The following STK24 variants were observed in gnomAD, a reference collection of about 807,000 sequenced individuals.
The protein encoded by STK24 is serine/threonine-protein kinase 24.
A neutral mutation model predicts 55.6 loss-of-function variants in STK24; 21 were observed. The ratio of observed to expected loss-of-function variants is 0.38; its 90% CI spans 0.27 to 0.54. The LOEUF is 0.54. Among genes scored for constraint, STK24 ranks in the 20% least tolerant of loss-of-function variants. STK24 has a pLI of 0.79. For missense variants in STK24, 383 were observed against 538.4 expected, an observed-to-expected ratio of 0.71 and a Z score of 2.86; for synonymous variants, 200 against 215.2, an observed-to-expected ratio of 0.93 and a Z score of 0.62.
At chr13:98,495,379 T>C (rs1895212443) in intron 2 of STK24, among the ~76,000 whole-genome samples, 1 of 152,222 alleles carries the variant, frequency 6.6e-6, no homozygotes, top group African/African-American at 2.4e-5. Context: ...ATGGCATAAT[T>C]ATTTTATTGA....
At chr13:98,539,995 A>C (rs1351874061) in intron 1 of STK24, among the ~76,000 whole-genome samples, 3 of 152,210 alleles carry the variant, frequency 2.0e-5, no homozygotes, top group Non-Finnish European at 2.9e-5. Flanking sequence ...AACAGACAAC[A>C]AACAGGTGGC....
At chr13:98,522,042 G>C (rs1167166375) in intron 1 of STK24, 18 of 1,411,750 alleles carry the variant, frequency 1.3e-5, no homozygotes, top group Non-Finnish European at 1.6e-5. Context: ...TCCCTTCAAA[G>C]TCATCTGGAC....
At chr13:98,543,749 G>A (rs1422632546) in intron 1 of STK24, among the ~76,000 whole-genome samples, 2 of 152,152 alleles carry the variant, frequency 1.3e-5, no homozygotes, top group Non-Finnish European at 2.9e-5. Context: ...GCTGCCAGCC[G>A]CCCCGAGGGT....
chr13:98,473,053 C>T (rs971730643), intron 5 of STK24, among the ~76,000 whole-genome samples: 3 of 151,468 alleles, frequency 2.0e-5, no homozygotes, highest in South Asian at 4.2e-4. Flanking sequence ...CAACACAGCA[C>T]GCTTGCTCCT....
chr13:98,486,576 T>C (rs1189284665), intron 2 of STK24, among the ~76,000 whole-genome samples: 4 of 152,160 alleles, frequency 2.6e-5, no homozygotes, highest in Non-Finnish European at 4.4e-5. Context: ...GCCTCCCCCA[T>C]GCACTGCAGG....
intron 1 of STK24, among the ~76,000 whole-genome samples, chr13:98,560,154 TCA>T (rs1412645567): frequency 1.3e-5 from 2 of 152,302 alleles, no homozygotes; most frequent in South Asian, 2.1e-4. Flanking sequence ...GTGCAGCTAC[TCA>T]CAGTCTCAGT....
At chr13:98,558,144 C>G (rs1317946687) in intron 1 of STK24, among the ~76,000 whole-genome samples, 1 of 152,162 alleles carries the variant, frequency 6.6e-6, no homozygotes. Context: ...TCATCTAATC[C>G]CAATGCCAGC....
intron 1 of STK24, among the ~76,000 whole-genome samples, chr13:98,562,627 G>C (rs1182070388): frequency 6.6e-6 from 1 of 152,144 alleles, no homozygotes; most frequent in Non-Finnish European, 1.5e-5. Flanking sequence ...ACTTTAAAAG[G>C]GTTCCAGGCT....
intron 2 of STK24, among the ~76,000 whole-genome samples, chr13:98,484,775 A>G (rs568525792): frequency 5.5e-4 from 83 of 151,996 alleles, no homozygotes; most frequent in Middle Eastern, 6.8e-3. Context: ...TGCAAGCAAC[A>G]ACAGAACATC....
In STK24 at chr13:98,451,176, G is replaced by A. The variant is rs1239178435; in HGVS notation, c.*1997C>T. On this transcript the variant is annotated 3_prime_UTR_variant, in exon 11 of 11. Coordinates refer to ENST00000539966, the MANE Select transcript of STK24 (RefSeq NM_001032296.4). ...TAAATCTGAAGAACTCTGTAAATCAGAAAAGCTGCTGTCCGCCCTGGCTCA... is the reference window on the plus strand; with the variant it reads ...TAAATCTGAAGAACTCTGTAAATCAAAAAAGCTGCTGTCCGCCCTGGCTCA... 1 of 152,188 alleles carries A rather than the reference G, an allele frequency of 6.6e-6. No homozygotes were observed. The highest frequency in any genetic ancestry group is 1.5e-5 in the Non-Finnish European group (1 of 68,058). 9.4% of individuals were successfully genotyped at this position (152,188 alleles called of 1,614,324 possible). A position where few individuals can be genotyped will look rare whatever the true frequency, so the allele number is the denominator to read the frequency against.
intron 1 of STK24, among the ~76,000 whole-genome samples, chr13:98,520,088 G>A (rs1189592170): frequency 6.6e-6 from 1 of 152,162 alleles, no homozygotes; most frequent in Non-Finnish European, 1.5e-5. Flanking sequence ...TTAACCACCT[G>A]ATTAGTTACA....
chr13:98,456,175 T>C (rs1459372302), intron 10 of STK24: 1 of 182,690 alleles, frequency 5.5e-6, no homozygotes, highest in East Asian at 1.7e-4. Context: ...ATCAGAACTG[T>C]GGTTTTCTCC....
chr13:98,448,282 C>T lies in STK24; in HGVS notation c.*4891G>A. The T allele has an allele frequency of 6.2e-7, 1 of 1,614,160 alleles. No individual in the cohort carries two copies. The highest frequency in any genetic ancestry group is 8.5e-7 in the Non-Finnish European group (1 of 1,179,972). ...TGCCACCAGCTCTGCCTCGCGACCC[C>T]ACGTGTTGAGTCACAAAGAGTCTCT... On this transcript the variant is annotated 3_prime_UTR_variant, in exon 11 of 11. Coordinates refer to ENST00000539966, the MANE Select transcript of STK24 (RefSeq NM_001032296.4).
chr13:98,516,244 A>G (rs1371881408), intron 2 of STK24, among the ~76,000 whole-genome samples: 2 of 152,242 alleles, frequency 1.3e-5, no homozygotes, highest in Non-Finnish European at 2.9e-5. Flanking sequence ...ATTGTCCTTC[A>G]CATGGCTTTA....
At position 98,449,443 on chromosome 13, in the gene STK24, G is replaced by C. The variant is rs1289144717; in HGVS notation, c.*3730C>G. 6.6e-6 allele frequency: 1 copy of C among 152,196 alleles called. No individual in the cohort carries two copies. Among genetic ancestry groups the C allele is most frequent in the African/African-American group, 2.4e-5 (1 of 41,428 alleles). The allele number at this position is 152,196 out of a possible 1,614,324, so 9.4% of individuals were successfully genotyped here. A position where few individuals can be genotyped will look rare whatever the true frequency, so the allele number is the denominator to read the frequency against. ...GGGAAACGTCTGCCTGTTCTCGATGGTGATGGGGTGGCTGCCATTCCCTTG... is the reference window on the plus strand; with the variant it reads ...GGGAAACGTCTGCCTGTTCTCGATGCTGATGGGGTGGCTGCCATTCCCTTG... On this transcript the variant is annotated 3_prime_UTR_variant, in exon 11 of 11. Transcript: ENST00000539966.
intron 1 of STK24, among the ~76,000 whole-genome samples, chr13:98,545,905 C>A (rs1897017982): frequency 6.6e-6 from 1 of 151,882 alleles, no homozygotes; most frequent in African/African-American, 2.4e-5. Flanking sequence ...AAAGAGAAAT[C>A]ATTCAAGAAA....
rs567368309 is a variant in STK24, at chr13:98,478,845, C to G, written c.330+3420G>C. ...TTAATCAGCTAAAACCTTCTGGTCT[C>G]AGGCCCTCTGTGGCTCATCCTCACT... On this transcript the variant is annotated intron_variant, in intron 3 of 10. Transcript: ENST00000539966. Among the ~76,000 whole-genome samples the G allele has an allele frequency of 4.6e-5, 7 of 152,312 alleles. No homozygotes were observed. The South Asian group carries it at 1.2e-3, about 27-fold the overall frequency.
At chr13:98,565,724 A>G (rs1897549689) in intron 1 of STK24, among the ~76,000 whole-genome samples, 1 of 152,158 alleles carries the variant, frequency 6.6e-6, no homozygotes, top group South Asian at 2.1e-4. Context: ...CAACACCTGA[A>G]AGGCAATGAA....
intron 1 of STK24, among the ~76,000 whole-genome samples, chr13:98,574,220 C>A (rs1472349879): frequency 6.6e-6 from 1 of 152,140 alleles, no homozygotes; most frequent in Non-Finnish European, 1.5e-5. Flanking sequence ...ACCATGTTAG[C>A]CAGGATGGTC....
Sources: gnomAD v4.1 joint callset for allele counts (sites outside exome capture counted in the v4.1 genomes callset) on GRCh38, gnomAD v4.1.1 for gene constraint, MANE v1.5 for transcripts, NCBI Gene and HGNC (gene_info 2026-07-23, HGNC 2026-07-21) for gene names.